Variants in PCDHGB7 observed in about 807,000 individuals in gnomAD.
PCDHGB7 encodes the protein protocadherin gamma subfamily B, 7.
Under a neutral mutation model 61.4 loss-of-function variants are expected in PCDHGB7, and 37 were observed. That is an observed-to-expected ratio of 0.60 (90% CI 0.46 to 0.79). The LOEUF (loss-of-function observed/expected upper bound fraction) is 0.79. PCDHGB7 is among the 30% of genes least tolerant of loss of function. The pLI is 0.00. For missense variants in PCDHGB7, 1,166 were observed against 1,202.5 expected (o/e 0.97, Z 0.45); for synonymous variants, 464 against 503.5 (o/e 0.92, Z 1.05).
rs1052219950 is a variant in PCDHGB7, at chr5:141,476,865, G to A, written c.2416-17942G>A. The A allele has an allele frequency of 1.2e-6, 2 of 1,613,752 alleles. No individual in the cohort carries two copies. Among genetic ancestry groups the A allele is most frequent in the African/African-American group, 1.3e-5 (1 of 74,958 alleles). On this transcript the variant is annotated intron_variant, in intron 1 of 3. Coordinates refer to ENST00000398594, the MANE Select transcript of PCDHGB7 (RefSeq NM_018927.4). This position sits in a 1 kb window ranked among gnomAD's most constrained non-coding sequence, Gnocchi z 7.6. ...CCTGTCTTCAACCAGTCCTTGTACC[G>A]GGCGCGCGTCCTGGAGGATGCACCC...
chr5:141,430,996 G>T, intron 1 of PCDHGB7: 1 of 1,614,024 alleles, frequency 6.2e-7, no homozygotes, highest in Middle Eastern at 1.6e-4. Flanking sequence ...CCCTGAATCC[G>T]CGCAGCGGCA....
chr5:141,444,082 A>G (rs942113441), intron 1 of PCDHGB7, among the ~76,000 whole-genome samples: 2 of 151,044 alleles, frequency 1.3e-5, no homozygotes, highest in African/African-American at 2.4e-5. Flanking sequence ...TCACCTGAAA[A>G]GTCTGCTAAG....
intron 1 of PCDHGB7, chr5:141,422,655 C>G (rs188587553): frequency 1.2e-6 from 2 of 1,610,122 alleles, no homozygotes; most frequent in South Asian, 2.2e-5. Context: ...TCTCAGTGAC[C>G]GCCCTCGACC....
intron 3 of PCDHGB7, among the ~76,000 whole-genome samples, chr5:141,508,752 C>G (rs2099871515): frequency 6.6e-6 from 1 of 152,028 alleles, no homozygotes. Flanking sequence ...CGCTCTTTCT[C>G]TGGCGCCTCT....
At position 141,419,227 on chromosome 5, in the gene PCDHGB7, C is replaced by G; in HGVS notation, c.1368C>G (p.Ala456=). The change falls in exon 1 of 4, where the codon GCC becomes GCG. Residue 456 remains alanine, a synonymous_variant. Coordinates refer to ENST00000398594, the MANE Select transcript of PCDHGB7 (RefSeq NM_018927.4). ...NDNAPVFGQS[A]YLVHVPENNQ... The stretch of plus-strand genomic sequence containing the variant: ...ACGCGCCGGTTTTCGGACAGTCAGC[C>G]TACCTGGTCCACGTGCCAGAAAACA... 6.2e-7 allele frequency: 1 copy of G among 1,614,024 alleles called. No homozygotes were observed. Among genetic ancestry groups the G allele is most frequent in the South Asian group, 1.1e-5 (1 of 91,092 alleles).
chr5:141,472,838 T>C (rs1457889821), intron 1 of PCDHGB7, among the ~76,000 whole-genome samples: 1 of 151,464 alleles, frequency 6.6e-6, no homozygotes, highest in Non-Finnish European at 1.5e-5. Context: ...AATAGAAAAT[T>C]AGCTGGGCAT....
At position 141,418,665 on chromosome 5, in the gene PCDHGB7, A is replaced by T; in HGVS notation, c.806A>T (p.Gln269Leu). ...TSILRVKATD[Q>L]DEGINSEITY... ...ATCCTGAGAGTGAAGGCCACTGACCAGGACGAGGGCATCAACTCAGAGATC... is the reference window on the plus strand; with the variant it reads ...ATCCTGAGAGTGAAGGCCACTGACCTGGACGAGGGCATCAACTCAGAGATC... Residue 269 changes from glutamine to leucine, a missense_variant, in exon 1 of 4, where the codon CAG becomes CTG. By Grantham distance (113) the Gln-to-Leu change is moderately radical (BLOSUM62 -2). Transcript: ENST00000398594. The T allele has an allele frequency of 6.2e-7, 1 of 1,614,070 alleles. No homozygotes were observed. Among genetic ancestry groups the T allele is most frequent in the Non-Finnish European group, 8.5e-7 (1 of 1,179,902 alleles).
At chr5:141,460,455 A>G (rs1021070289) in intron 1 of PCDHGB7, among the ~76,000 whole-genome samples, 2 of 152,080 alleles carry the variant, frequency 1.3e-5, no homozygotes, top group African/African-American at 4.8e-5. Context: ...GAAGATTCAT[A>G]TTTTTTTCCA....
intron 1 of PCDHGB7, among the ~76,000 whole-genome samples, chr5:141,453,193 A>G (rs2098757675): frequency 6.6e-6 from 1 of 152,142 alleles, no homozygotes; most frequent in Admixed American, 6.5e-5. Context: ...AGCTCACTGC[A>G]GCCTCAACCT....
chr5:141,489,290 G>A lies in PCDHGB7; in HGVS notation c.2416-5517G>A. 6.3e-7 allele frequency: 1 copy of A among 1,577,514 alleles called. No individual in the cohort carries two copies. The highest frequency in any genetic ancestry group is 8.6e-7 in the Non-Finnish European group (1 of 1,162,002). ...CTCGCTGGGAAATGGCAAGTGCTGT[G>A]CATGTTGTCCTTGTGCTGCTGGGGC... On this transcript the variant is annotated intron_variant, in intron 1 of 3. Transcript: ENST00000398594. This position sits in a 1 kb window ranked among gnomAD's most constrained non-coding sequence, Gnocchi z 4.5.
rs1375469711 is a variant in PCDHGB7 at position 141,512,102 on chromosome 5, C to G, written c.*929C>G. On this transcript the variant is annotated 3_prime_UTR_variant, in exon 4 of 4. Coordinates refer to ENST00000398594, the MANE Select transcript of PCDHGB7 (RefSeq NM_018927.4). Reference sequence around the variant, plus strand: ...GCCATAAACCAATAACTAGGCTGGACCCTTCCCACTACATAATAGGGCTCA... The same window carrying G: ...GCCATAAACCAATAACTAGGCTGGAGCCTTCCCACTACATAATAGGGCTCA... The G allele has an allele frequency of 6.5e-6, 1 of 152,806 alleles. No individual in the cohort carries two copies. The highest frequency in any genetic ancestry group is 1.9e-4 in the East Asian group (1 of 5,182). The allele number at this position is 152,806 out of a possible 1,614,324, so 9.5% of individuals were successfully genotyped here. A position where few individuals can be genotyped will look rare whatever the true frequency, so the allele number is the denominator to read the frequency against.
At chr5:141,433,111 C>T (rs2097569323) in intron 1 of PCDHGB7, 1 of 1,613,966 alleles carries the variant, frequency 6.2e-7, no homozygotes, top group African/African-American at 1.3e-5. Context: ...GCCAGGAGAG[C>T]TTTGAAAAAA....
rs72790042 is a variant in PCDHGB7 at position 141,420,245 on chromosome 5, G to A, written c.2386G>A (p.Val796Ile). The A allele has an allele frequency of 0.053, 83,459 of 1,583,130 alleles. 2,452 individuals carry two copies. The highest frequency in any genetic ancestry group is 0.1 in the African/African-American group (7,337 of 73,720). Residue 796 changes from valine to isoleucine, a missense_variant, in exon 1 of 4, where the codon GTT becomes ATT. Physicochemically the swap from Val to Ile is conservative, Grantham distance 29. Coordinates refer to ENST00000398594, the MANE Select transcript of PCDHGB7 (RefSeq NM_018927.4). ...MLLASILTPS[V>I]EADKKILKQQ... The stretch of plus-strand genomic sequence containing the variant: ...ACTGGCTAGCATTTTAACTCCCAGC[G>A]TTGAAGCAGATAAGAAGATTCTTAA...
intron 1 of PCDHGB7, chr5:141,423,757 G>T (rs562479446): frequency 7.3e-5 from 29 of 395,130 alleles, no homozygotes; most frequent in Non-Finnish European, 9.5e-5. Flanking sequence ...GTTTGGGGGG[G>T]GGGTGGGGCG....
chr5:141,478,901 A>T (rs2099483520), intron 1 of PCDHGB7: 2 of 1,002,034 alleles, frequency 2.0e-6, no homozygotes, highest in African/African-American at 3.3e-5. Flanking sequence ...ATTAGGAATA[A>T]GCTGCTGGAT....
Position 141,487,810 on chromosome 5 carries a change from C to T in PCDHGB7, c.2416-6997C>T. 7.1e-7 allele frequency: 1 copy of T among 1,417,854 alleles called. No homozygotes were observed. 87.8% of individuals were successfully genotyped at this position (1,417,854 alleles called of 1,614,324 possible). ...ATTAACCAGAGTTGTCACAGTTTAG[C>T]ATTGGGGGCGGGTCATGCCTATATC... is the stretch of plus-strand genomic sequence containing the variant. On this transcript the variant is annotated intron_variant, in intron 1 of 3. Coordinates refer to ENST00000398594, the MANE Select transcript of PCDHGB7 (RefSeq NM_018927.4). This position sits in a 1 kb window ranked among gnomAD's most constrained non-coding sequence, Gnocchi z 5.0.
At chr5:141,436,300 G>A (rs966232889) in intron 1 of PCDHGB7, among the ~76,000 whole-genome samples, 1 of 152,180 alleles carries the variant, frequency 6.6e-6, no homozygotes, top group African/African-American at 2.4e-5. Flanking sequence ...TTGAGAGTTA[G>A]AGCATGAATA....
intron 1 of PCDHGB7, chr5:141,478,647 T>G (rs2099469515): frequency 6.4e-7 from 1 of 1,552,152 alleles, no homozygotes; most frequent in Non-Finnish European, 8.7e-7. Flanking sequence ...GAAGATGTTT[T>G]CCTGGTGATG....
At position 141,491,809 on chromosome 5, in the gene PCDHGB7, C is replaced by A. The variant is rs1421763758; in HGVS notation, c.2416-2998C>A. The A allele has an allele frequency of 6.7e-7, 1 of 1,487,044 alleles. No homozygotes were observed. The highest frequency in any genetic ancestry group is 1.4e-5 in the South Asian group (1 of 72,986). The allele number at this position is 1,487,044 out of a possible 1,614,324, so 92.1% of individuals were successfully genotyped here. On this transcript the variant is annotated intron_variant, in intron 1 of 3. Coordinates refer to ENST00000398594, the MANE Select transcript of PCDHGB7 (RefSeq NM_018927.4). This position sits in a 1 kb window ranked among gnomAD's most constrained non-coding sequence, Gnocchi z 6.9. Reference sequence around the variant, plus strand: ...TCCACTCCTCTCCGGCCGGCTTGGTCGCTGGCTGCGCTCCACCCGATTCTC... The same window carrying A: ...TCCACTCCTCTCCGGCCGGCTTGGTAGCTGGCTGCGCTCCACCCGATTCTC...
Sources: allele counts gnomAD v4.1 joint callset (sites outside exome capture counted in the v4.1 genomes callset), GRCh38; gene constraint gnomAD v4.1.1; non-coding constraint Gnocchi (gnomAD v3.1); transcripts MANE v1.5; gene names NCBI Gene and HGNC (gene_info 2026-07-23, HGNC 2026-07-21).